Variants in STAT5B observed in about 807,000 individuals in gnomAD.
STAT5B encodes transcription factor STAT5B.
In STAT5B, 21 loss-of-function variants were observed where a neutral mutation model predicts 107.8. The observed-to-expected ratio is 0.19, with a 90% CI of 0.14 to 0.28. The LOEUF is 0.28. Ranked by LOEUF, STAT5B falls within the 10% of genes least tolerant of loss-of-function variation. STAT5B has a pLI of 1.00. For synonymous variants in STAT5B, 325 were observed against 401.7 expected (o/e 0.81, Z 2.28); for missense variants, 565 against 1,008.2 (o/e 0.56, Z 5.95).
intron 3 of STAT5B, among the ~76,000 whole-genome samples, chr17:42,226,163 G>GACCTC (rs1555549948): frequency 6.6e-6 from 1 of 152,002 alleles, no homozygotes; most frequent in Non-Finnish European, 1.5e-5. Flanking sequence ...TCGAACTCCT[G>GACCTC]ACCTCAGATG....
intron 1 of STAT5B, among the ~76,000 whole-genome samples, chr17:42,239,129 T>C (rs1440911671): frequency 6.7e-6 from 1 of 150,306 alleles, no homozygotes; most frequent in African/African-American, 2.5e-5. Context: ...GCTCCTGTAG[T>C]CCCAGCTACT....
intron 3 of STAT5B, among the ~76,000 whole-genome samples, chr17:42,226,735 G>C (rs2080274886): frequency 6.7e-6 from 1 of 150,268 alleles, no homozygotes; most frequent in Non-Finnish European, 1.5e-5. Context: ...TTGAACCCGG[G>C]AGGTGGAGGT....
At chr17:42,261,473 T>C (rs922492301) in intron 1 of STAT5B, among the ~76,000 whole-genome samples, 2 of 152,248 alleles carry the variant, frequency 1.3e-5, no homozygotes, top group Admixed American at 6.5e-5. Context: ...TTCCCCAAAC[T>C]GGCTTAAAAT....
At chr17:42,202,859 G>T in intron 16 of STAT5B, 51 bp from the exon 17 acceptor site, 1 of 1,608,046 alleles carries the variant, frequency 6.2e-7, no homozygotes, top group South Asian at 1.1e-5. Context: ...AAACAAAAAT[G>T]TGATCTTCCT....
intron 18 of STAT5B, 64 bp downstream of exon 18, chr17:42,202,276 G>T: frequency 6.3e-7 from 1 of 1,593,884 alleles, no homozygotes; most frequent in Non-Finnish European, 8.6e-7. Context: ...AGCCCTCCAG[G>T]GGTCCAGCCT....
chr17:42,241,745 G>C (rs965185128), intron 1 of STAT5B, among the ~76,000 whole-genome samples: 1 of 152,060 alleles, frequency 6.6e-6, no homozygotes, highest in African/African-American at 2.4e-5. Flanking sequence ...GCCTAGCCTA[G>C]TATAGCGATT....
At chr17:42,214,976 C>T (rs1471099757) in intron 12 of STAT5B, among the ~76,000 whole-genome samples, 1 of 152,104 alleles carries the variant, frequency 6.6e-6, no homozygotes, top group Non-Finnish European at 1.5e-5. Context: ...TAGTCTGGAG[C>T]TCAAGGGATC....
chr17:42,282,698 G>A, the STAT5B span, among the ~76,000 whole-genome samples: 21 of 152,186 alleles, frequency 1.4e-4, no homozygotes, highest in African/African-American at 4.3e-4. Context: ...TTACAAGTGA[G>A]GATGCTTAGA....
intron 1 of STAT5B, chr17:42,234,991 G>A (rs1043658620): frequency 6.6e-6 from 1 of 152,196 alleles, no homozygotes; most frequent in Non-Finnish European, 1.5e-5. Context: ...TAAGAAGTAG[G>A]CCCTCACCAT....
chr17:42,207,523 AC>A lies in STAT5B; in HGVS notation c.2077+34del, dbSNP rs781780271. Reference sequence around the variant, plus strand: ...CACACACACACACACACACACACACACAACAAAATCAAATCAGAATGCGAAC... The same window carrying A: ...CACACACACACACACACACACACACAAACAAAATCAAATCAGAATGCGAAC... On this transcript the variant is annotated intron_variant, in intron 16 of 18. Coordinates refer to ENST00000293328, the MANE Select transcript of STAT5B (RefSeq NM_012448.4). 7.8e-4 allele frequency: 1,219 copies of A among 1,565,084 alleles called. 5 individuals are homozygous for A. The East Asian group carries it at 0.015, about 19-fold the overall frequency.
intron 2 of STAT5B, among the ~76,000 whole-genome samples, chr17:42,228,267 C>T (rs906226009): frequency 1.3e-5 from 2 of 152,134 alleles, no homozygotes; most frequent in Admixed American, 1.3e-4. Flanking sequence ...TAGTTGCAGA[C>T]CCAGGACCTG....
intron 1 of STAT5B, among the ~76,000 whole-genome samples, chr17:42,267,784 C>A (rs2080686374): frequency 6.6e-6 from 1 of 151,728 alleles, no homozygotes; most frequent in African/African-American, 2.4e-5. Flanking sequence ...CATGGTGAAA[C>A]CCCGTCTCTA....
At position 42,202,783 on chromosome 17, in the gene STAT5B, C is replaced by T. The variant is rs764006844; in HGVS notation, c.2103G>A (p.Lys701=). Residue 701 remains lysine (K), a synonymous_variant, in exon 17 of 19, where the codon AAG becomes AAA. Transcript: ENST00000293328. ...ATAKAVDGYV[K]PQIKQVVPEF... is the part of the protein sequence containing the mutation. ...CAGGGACCACTTGCTTGATCTGTGG[C>T]TTCACGTATCCATCAACAGCTTTAG... 1.9e-6 allele frequency: 3 copies of T among 1,614,186 alleles called. No homozygotes were observed. Among genetic ancestry groups the T allele is most frequent in the Non-Finnish European group, 1.7e-6 (2 of 1,180,042 alleles).
At chr17:42,245,204 A>C (rs2080441240) in intron 1 of STAT5B, among the ~76,000 whole-genome samples, 1 of 150,012 alleles carries the variant, frequency 6.7e-6, no homozygotes, top group South Asian at 2.1e-4. Context: ...CAGCCTCCCG[A>C]ATAGCTGGGA....
intron 9 of STAT5B, 144 bp from the exon 10 acceptor site, chr17:42,217,608 A>G (rs976486316): frequency 3.3e-5 from 26 of 793,456 alleles, no homozygotes; most frequent in Non-Finnish European, 5.1e-5. Context: ...TACATAACAC[A>G]TACATGTAAT....
Position 42,201,278 on chromosome 17 carries a change from T to C in STAT5B, c.*460A>G, listed in dbSNP as rs1567652360. 2.1e-6 allele frequency: 1 copy of C among 482,036 alleles called. No homozygotes were observed. The highest frequency in any genetic ancestry group is 3.6e-6 in the Non-Finnish European group (1 of 274,770). 29.9% of individuals were successfully genotyped at this position (482,036 alleles called of 1,614,324 possible). A position where few individuals can be genotyped will look rare whatever the true frequency, so the allele number is the denominator to read the frequency against. On this transcript the variant is annotated 3_prime_UTR_variant, in exon 19 of 19. Coordinates refer to ENST00000293328, the MANE Select transcript of STAT5B (RefSeq NM_012448.4). ...CAATCACGGTTATATATCAATTGCTTGGCAGACAGAGTGACGAAGACTCAC... is the reference window on the plus strand; with the variant it reads ...CAATCACGGTTATATATCAATTGCTCGGCAGACAGAGTGACGAAGACTCAC...
chr17:42,270,619 C>T (rs1383973809), intron 1 of STAT5B: 1 of 151,884 alleles, frequency 6.6e-6, no homozygotes, highest in African/African-American at 2.4e-5. Context: ...TAAAAAAATC[C>T]TAAACATATA....
intron 1 of STAT5B, among the ~76,000 whole-genome samples, chr17:42,250,679 C>T (rs189350978): frequency 1.3e-5 from 2 of 152,222 alleles, no homozygotes; most frequent in East Asian, 1.9e-4. Flanking sequence ...AATCCCAGCA[C>T]TTTAGGAGGC....
At chr17:42,243,689 A>T (rs916134264) in intron 1 of STAT5B, among the ~76,000 whole-genome samples, 1 of 152,140 alleles carries the variant, frequency 6.6e-6, no homozygotes, top group Non-Finnish European at 1.5e-5. Flanking sequence ...CACTTTTTTC[A>T]AAATCAAAAT....
Sources: gnomAD v4.1 joint callset for allele counts (sites outside exome capture counted in the v4.1 genomes callset) on GRCh38, gnomAD v4.1.1 for gene constraint, MANE v1.5 for transcripts, NCBI Gene and HGNC (gene_info 2026-07-23, HGNC 2026-07-21) for gene names.